Variants in ELMO1 observed in about 807,000 individuals in gnomAD.
ELMO1 encodes the protein engulfment and cell motility protein 1.
In ELMO1, 26 loss-of-function variants were observed where a neutral mutation model predicts 98.9. The ratio of observed to expected loss-of-function variants is 0.26; its 90% confidence interval spans 0.19 to 0.36. ELMO1 has a LOEUF of 0.36. Ranked by LOEUF, ELMO1 falls within the 10% of genes least tolerant of loss-of-function variation. ELMO1 has a pLI of 1.00. For missense variants in ELMO1, 627 were observed against 935.2 expected, an observed-to-expected ratio of 0.67 and a Z score of 4.30; for synonymous variants, 346 against 346.0, an observed-to-expected ratio of 1.00 and a Z score of 0.00.
intron 15 of ELMO1, among the ~76,000 whole-genome samples, chr7:37,085,472 G>A (rs2129240807): frequency 6.6e-6 from 1 of 152,222 alleles, no homozygotes; most frequent in South Asian, 2.1e-4. Context: ...AGTGAGGTTA[G>A]TTTATTTTAC....
intron 7 of ELMO1, among the ~76,000 whole-genome samples, chr7:37,238,436 A>G (rs554827354): frequency 6.6e-6 from 1 of 152,330 alleles, no homozygotes; most frequent in South Asian, 2.1e-4. Flanking sequence ...AAATTCAATT[A>G]TATCTAGCAG....
At chr7:37,272,623 T>C (rs2130861181) in intron 4 of ELMO1, among the ~76,000 whole-genome samples, 1 of 150,102 alleles carries the variant, frequency 6.7e-6, no homozygotes, top group South Asian at 2.1e-4. Flanking sequence ...TGCAGTGAGC[T>C]GAGATAGCAC....
intron 13 of ELMO1, among the ~76,000 whole-genome samples, chr7:37,186,565 A>T (rs1333468332): frequency 6.6e-6 from 1 of 152,230 alleles, no homozygotes; most frequent in Non-Finnish European, 1.5e-5. Context: ...ATCATGTCTG[A>T]TAAGGACTTG....
chr7:36,916,399 T>C (rs1042801140), intron 16 of ELMO1, among the ~76,000 whole-genome samples: 3 of 152,200 alleles, frequency 2.0e-5, no homozygotes, highest in South Asian at 2.1e-4. Flanking sequence ...TTGTGAAAAA[T>C]TGTGCCATAG....
intron 15 of ELMO1, among the ~76,000 whole-genome samples, chr7:37,041,749 CAT>C (rs1795520877): frequency 1.3e-5 from 2 of 152,104 alleles, no homozygotes; most frequent in African/African-American, 2.4e-5. Flanking sequence ...AACAAGAACA[CAT>C]GAGTTAACGT....
At chr7:36,956,674 G>A (rs1385359381) in intron 16 of ELMO1, among the ~76,000 whole-genome samples, 1 of 152,198 alleles carries the variant, frequency 6.6e-6, no homozygotes, top group Non-Finnish European at 1.5e-5. Context: ...TAGTGACAAA[G>A]CTTCTTAGCA....
At chr7:37,268,085 T>C (rs1489481989) in intron 5 of ELMO1, among the ~76,000 whole-genome samples, 1 of 152,258 alleles carries the variant, frequency 6.6e-6, no homozygotes, top group Non-Finnish European at 1.5e-5. Flanking sequence ...AACAATGGTC[T>C]GGCAAGCCAA....
At position 37,054,035 on chromosome 7, in the gene ELMO1, A is replaced by C. The variant is rs185979307; in HGVS notation, c.1301-40600T>G. Among the ~76,000 whole-genome samples, 258 of 152,342 alleles carry C rather than the reference A, an allele frequency of 1.7e-3. 5 individuals are homozygous for C. Among genetic ancestry groups the C allele is most frequent in the African/African-American group, 5.9e-3 (245 of 41,574 alleles). On this transcript the variant is annotated intron_variant, in intron 15 of 21. Transcript: ENST00000310758. ...ATTCAGATTATGGATTCAAATCTTT[A>C]AAAAATACGCAGCTAAGGGTAGACT... is the stretch of plus-strand genomic sequence containing the variant.
chr7:37,324,436 C>T (rs1288450552), intron 2 of ELMO1, among the ~76,000 whole-genome samples: 1 of 151,866 alleles, frequency 6.6e-6, no homozygotes, highest in Non-Finnish European at 1.5e-5. Flanking sequence ...CAAGTTTATT[C>T]ATTTCAAATG....
At chr7:36,984,647 T>C (rs1791364822) in intron 16 of ELMO1, among the ~76,000 whole-genome samples, 1 of 152,232 alleles carries the variant, frequency 6.6e-6, no homozygotes, top group African/African-American at 2.4e-5. Context: ...AGATTTCTCT[T>C]GTTTGACTAT....
At chr7:37,022,128 G>A (rs1171871980) in intron 15 of ELMO1, among the ~76,000 whole-genome samples, 4 of 152,152 alleles carry the variant, frequency 2.6e-5, no homozygotes, top group African/African-American at 9.7e-5. Flanking sequence ...ATAGATCTCA[G>A]TGCAAAAGGA....
At chr7:37,076,880 A>G (rs1396013672) in intron 15 of ELMO1, among the ~76,000 whole-genome samples, 1 of 152,252 alleles carries the variant, frequency 6.6e-6, no homozygotes, top group Non-Finnish European at 1.5e-5. Flanking sequence ...TGCTGAGCAC[A>G]GGCTGTGTAT....
intron 2 of ELMO1, among the ~76,000 whole-genome samples, chr7:37,320,149 T>C (rs1048099573): frequency 6.6e-6 from 1 of 152,212 alleles, no homozygotes; most frequent in Admixed American, 6.5e-5. Context: ...TGGTGGCCCA[T>C]GCCTGTAGTT....
At position 36,998,032 on chromosome 7, in the gene ELMO1, G is replaced by A. The variant is rs1453131822; in HGVS notation, c.1437+15267C>T. ...ATTTGGCAGTGCAGAGACGGACAGAGATTGGATAAGAACTTGAAAGAGGAA... is the reference window on the plus strand; with the variant it reads ...ATTTGGCAGTGCAGAGACGGACAGAAATTGGATAAGAACTTGAAAGAGGAA... On this transcript the variant is annotated intron_variant, in intron 16 of 21. Transcript: ENST00000310758. 3 of 151,914 alleles carry A rather than the reference G, an allele frequency of 2.0e-5. No homozygotes were observed. In the East Asian group the frequency reaches 5.8e-4, roughly 30 times the overall value. The allele number at this position is 151,914 out of a possible 1,614,324, so 9.4% of individuals were successfully genotyped here.
At chr7:37,092,366 CTTTTTTTTTTTTTTTTTTT>C (rs537388417) in intron 15 of ELMO1, among the ~76,000 whole-genome samples, 5 of 68,894 alleles carry the variant, frequency 7.3e-5, no homozygotes, top group African/African-American at 1.4e-4. Flanking sequence ...TACCCATATT[CTTTTTTTTTTTTTTTTTTT>C]TTTTTTTTTT....
Position 36,883,116 on chromosome 7 carries a change from T to C in ELMO1, c.1714+4444A>G, listed in dbSNP as rs1426380920. ...GGGGCCTCCAGAGCAACGTAAGATATACCAGCCTTGTTGGCAGGAGTGGTA... is the reference window on the plus strand; with the variant it reads ...GGGGCCTCCAGAGCAACGTAAGATACACCAGCCTTGTTGGCAGGAGTGGTA... On this transcript the variant is annotated intron_variant, in intron 18 of 21. Coordinates refer to ENST00000310758, the MANE Select transcript of ELMO1 (RefSeq NM_014800.11). 1.3e-5 allele frequency among the ~76,000 whole-genome samples: 2 copies of C among 152,176 alleles called. 1 individual carries two copies. The highest frequency in any genetic ancestry group is 2.9e-5 in the Non-Finnish European group (2 of 68,028).
At position 36,957,349 on chromosome 7, in the gene ELMO1, T is replaced by C. The variant is rs535758497; in HGVS notation, c.1437+55950A>G. Among the ~76,000 whole-genome samples, 16 of 152,270 alleles carry C rather than the reference T, an allele frequency of 1.1e-4. No individual in the cohort carries two copies. The South Asian group carries it at 3.1e-3, about 30-fold the overall frequency. On this transcript the variant is annotated intron_variant, in intron 16 of 21. Coordinates refer to ENST00000310758, the MANE Select transcript of ELMO1 (RefSeq NM_014800.11). ...CTTTCTGCTTCCAGACCACCGCCCT[T>C]TTTACTCCCTAACTCCCTGCCCAGT...
chr7:37,308,993 G>A (rs1318876781), intron 4 of ELMO1, among the ~76,000 whole-genome samples: 1 of 152,206 alleles, frequency 6.6e-6, no homozygotes, highest in African/African-American at 2.4e-5. Context: ...ACAGGAAGAA[G>A]AGGCAGCACA....
chr7:36,871,161 C>T lies in ELMO1; in HGVS notation c.1823-686G>A, dbSNP rs146538485. 3.3e-4 allele frequency among the ~76,000 whole-genome samples: 50 copies of T among 152,312 alleles called. No individual in the cohort carries two copies. In the East Asian group the frequency reaches 8.5e-3, roughly 26 times the overall value. The stretch of plus-strand genomic sequence containing the variant: ...ATGCAGTTAGACAAAATGATGTTAT[C>T]TCATGTCTTACTCTGGAGTTGGCGG... On this transcript the variant is annotated intron_variant, in intron 19 of 21. Transcript: ENST00000310758.
Sources: gnomAD v4.1 joint callset for allele counts (sites outside exome capture counted in the v4.1 genomes callset) on GRCh38, gnomAD v4.1.1 for gene constraint, MANE v1.5 for transcripts, NCBI Gene and HGNC (gene_info 2026-07-23, HGNC 2026-07-21) for gene names.